JAKMIP3: variants seen among roughly 807,000 people sequenced by gnomAD.
The protein encoded by JAKMIP3 is janus kinase and microtubule-interacting protein 3.
JAKMIP3 carries 58 observed loss-of-function variants against 118.5 expected under a neutral mutation model. That is an observed-to-expected ratio of 0.49 (90% CI 0.40 to 0.61). The LOEUF (loss-of-function observed/expected upper bound fraction) is 0.61, where lower values mean the gene tolerates loss of function less well. JAKMIP3 is among the 20% of genes least tolerant of loss of function. The pLI is 0.00. For missense variants in JAKMIP3, 950 were observed against 1,109.0 expected, an observed-to-expected ratio of 0.86 and a Z score of 2.04; for synonymous variants, 486 against 451.2, an observed-to-expected ratio of 1.08 and a Z score of -0.98.
intron 1 of JAKMIP3, among the ~76,000 whole-genome samples, chr10:132,039,101 T>G (rs1053335304): frequency 1.3e-5 from 2 of 152,106 alleles, no homozygotes; most frequent in African/African-American, 2.4e-5. Context: ...AACTAAGGAG[T>G]GTGGAGTTGC....
rs374576124 is a variant in JAKMIP3, at chr10:132,145,147, C to T, written c.1643C>T (p.Ala548Val). Reference protein sequence around the residue: ...QLQAEVQRAQARIEDLEKALA... With the variant: ...QLQAEVQRAQVRIEDLEKALA... ...CAAGCCGAAGTGCAGAGGGCACAGG[C>T]GCGGATAGAGGACCTGGAGAAGGCC... is the stretch of plus-strand genomic sequence containing the variant. The change falls in exon 12 of 24, where the codon GCG (alanine) becomes GTG (valine). Residue 548 changes from alanine to valine, a missense_variant. By Grantham distance (64) the Ala-to-Val change is moderately conservative. Transcript: ENST00000684848. 98 of 1,612,420 alleles carry T rather than the reference C, an allele frequency of 6.1e-5. No individual in the cohort carries two copies. Among genetic ancestry groups the T allele is most frequent in the East Asian group, 5.6e-4 (25 of 44,870 alleles).
At chr10:132,121,168 G>A (rs1422325451) in intron 3 of JAKMIP3, among the ~76,000 whole-genome samples, 4 of 152,150 alleles carry the variant, frequency 2.6e-5, no homozygotes, top group African/African-American at 9.7e-5. Context: ...TGTCAGCAGA[G>A]TCAGTAGAGC....
rs10593432 is a variant in JAKMIP3, at chr10:132,097,857, C to CCCTT, written c.-137-6798_-137-6795dup. ...CCTAAGCTTCCTATCACAGAGATTGCCCTTCCTTCCTTCCTTCCTTTTATT... is the reference window on the plus strand; with the variant it reads ...CCTAAGCTTCCTATCACAGAGATTGCCCTTCCTTCCTTCCTTCCTTCCTTTTATT... On this transcript the variant is annotated intron_variant, in intron 1 of 23. Transcript: ENST00000684848. 1.4e-4 allele frequency among the ~76,000 whole-genome samples: 17 copies of CCCTT among 117,816 alleles called. No individual in the cohort carries two copies. The East Asian group carries it at 3.6e-3, about 25-fold the overall frequency. 77.3% of individuals were successfully genotyped at this position (117,816 alleles called of 152,430 possible).
At chr10:132,174,610 T>C (rs1590042826) in intron 23 of JAKMIP3, among the ~76,000 whole-genome samples, 1 of 152,194 alleles carries the variant, frequency 6.6e-6, no homozygotes, top group African/African-American at 2.4e-5. Flanking sequence ...AAGCAAGTCT[T>C]CTTTCTCTTG....
chr10:132,167,804 C>T (rs2059069077), intron 22 of JAKMIP3, 149 bp from the exon 23 acceptor site: 4 of 420,902 alleles, frequency 9.5e-6, no homozygotes, highest in South Asian at 7.6e-5. Context: ...CCCTTCGGTC[C>T]TCACCCCTCA....
At chr10:132,160,107 C>G (rs192905469) in intron 19 of JAKMIP3, among the ~76,000 whole-genome samples, 1 of 6,366 alleles carries the variant, frequency 1.6e-4, no homozygotes, top group Non-Finnish European at 2.4e-4. Context: ...GTGATGCAGG[C>G]GGTGGCCTCT....
intron 13 of JAKMIP3, 93 bp from the exon 14 acceptor site, chr10:132,147,859 C>A: frequency 1.1e-6 from 1 of 898,066 alleles, no homozygotes; most frequent in South Asian, 1.6e-5. Flanking sequence ...TCCCCGGCAG[C>A]CAGCAGCTGT....
chr10:132,172,653 GTC>G, intron 23 of JAKMIP3, among the ~76,000 whole-genome samples: 1 of 152,018 alleles, frequency 6.6e-6, no homozygotes, highest in South Asian at 2.1e-4. Context: ...GGCTGTTAAT[GTC>G]TCTTCACCCA....
intron 1 of JAKMIP3, among the ~76,000 whole-genome samples, chr10:132,072,926 A>G (rs2040197467): frequency 6.6e-6 from 1 of 152,032 alleles, no homozygotes; most frequent in Admixed American, 6.6e-5. Context: ...CACCTTTTAT[A>G]GTCTCCAGTA....
chr10:132,168,602 C>T lies in JAKMIP3; in HGVS notation c.*672C>T, dbSNP rs1008991879. ...GGACAGACAAGAGCCGTGGCCGCCG[C>T]GGGCCGCGTGGTGCCATCAACCCTC... is the stretch of plus-strand genomic sequence containing the variant. On this transcript the variant is annotated 3_prime_UTR_variant, in exon 23 of 24. Coordinates refer to ENST00000684848, the MANE Select transcript of JAKMIP3 (RefSeq NM_001323087.2). 11 of 356,638 alleles carry T rather than the reference C, an allele frequency of 3.1e-5. No homozygotes were observed. The highest frequency in any genetic ancestry group is 4.2e-5 in the South Asian group (2 of 47,200). 22.1% of individuals were successfully genotyped at this position (356,638 alleles called of 1,614,324 possible).
chr10:132,137,336 AG>A (rs1564943947), intron 8 of JAKMIP3, 47 bp downstream of exon 8: 5 of 1,609,318 alleles, frequency 3.1e-6, no homozygotes, highest in Non-Finnish European at 3.4e-6. Flanking sequence ...CTCCCCACGC[AG>A]TTGCCCGTGG....
chr10:132,036,736 T>C (rs2037509818), exon 1 of JAKMIP3, among the ~76,000 whole-genome samples: 1 of 150,634 alleles, frequency 6.6e-6, no homozygotes, highest in African/African-American at 2.4e-5. Flanking sequence ...GCGGGGAGCC[T>C]CGGTGAGCAG....
chr10:132,154,077 T>A, intron 19 of JAKMIP3, 87 bp downstream of exon 19: 1 of 1,254,904 alleles, frequency 8.0e-7, no homozygotes, highest in South Asian at 1.3e-5. Context: ...GTGCCTCAGG[T>A]GCCCATGTGG....
At chr10:132,103,557 C>A (rs561084808) in intron 1 of JAKMIP3, among the ~76,000 whole-genome samples, 1 of 151,858 alleles carries the variant, frequency 6.6e-6, no homozygotes, top group South Asian at 2.1e-4. Context: ...AGGTGCCTGG[C>A]AGCACAGAAG....
At chr10:132,120,833 G>A (rs963811492) in intron 3 of JAKMIP3, among the ~76,000 whole-genome samples, 2 of 152,352 alleles carry the variant, frequency 1.3e-5, no homozygotes, top group South Asian at 2.1e-4. Context: ...CCGTGGTGAC[G>A]GACAGGGCTG....
In JAKMIP3 at chr10:132,085,604, G is replaced by A. The variant is rs112901237; in HGVS notation, c.-137-19068G>A. On this transcript the variant is annotated intron_variant, in intron 1 of 23. Transcript: ENST00000684848. ...CAACCTCCGCTTCCTGGGTTCAAGCGATTCTTCTGCCTCAGCCTCCCGAGT... is the reference window on the plus strand; with the variant it reads ...CAACCTCCGCTTCCTGGGTTCAAGCAATTCTTCTGCCTCAGCCTCCCGAGT... Among the ~76,000 whole-genome samples, 354 of 151,826 alleles carry A rather than the reference G, an allele frequency of 2.3e-3. 5 individuals are homozygous for A. Among genetic ancestry groups the A allele is most frequent in the African/African-American group, 8.1e-3 (335 of 41,380 alleles).
At chr10:132,155,700 C>G (rs1022992598) in intron 19 of JAKMIP3, among the ~76,000 whole-genome samples, 1 of 152,190 alleles carries the variant, frequency 6.6e-6, no homozygotes, top group Non-Finnish European at 1.5e-5. Context: ...CTGGCCCTGG[C>G]TAAACTGGTA....
At chr10:132,038,679 C>A (rs1173295999) in intron 1 of JAKMIP3, among the ~76,000 whole-genome samples, 2 of 151,768 alleles carry the variant, frequency 1.3e-5, no homozygotes, top group African/African-American at 4.8e-5. Flanking sequence ...GTAATCCCAG[C>A]TCCTCGGGAT....
intron 2 of JAKMIP3, among the ~76,000 whole-genome samples, chr10:132,108,295 G>A (rs577158746): frequency 8.8e-4 from 134 of 152,304 alleles, no homozygotes; most frequent in African/African-American, 3.0e-3. Context: ...CATCTGCATC[G>A]TGGACTTGCC....
Sources: allele counts gnomAD v4.1 joint callset (sites outside exome capture counted in the v4.1 genomes callset), GRCh38; gene constraint gnomAD v4.1.1; transcripts MANE v1.5; gene names NCBI Gene and HGNC (gene_info 2026-07-23, HGNC 2026-07-21).